The following DPP10 variants were observed in gnomAD, a reference collection of about 807,000 sequenced individuals.
DPP10 encodes the protein inactive dipeptidyl peptidase 10.
DPP10 carries 33 observed loss-of-function variants against 120.9 expected under a neutral mutation model. The ratio of observed to expected loss-of-function variants is 0.27; its 90% confidence interval spans 0.21 to 0.37. The LOEUF (loss-of-function observed/expected upper bound fraction) is 0.37. Among genes scored for constraint, DPP10 ranks in the 10% least tolerant of loss-of-function variants. The probability of loss-of-function intolerance (pLI) is 1.00; values close to 1 mark genes in which losing one functional copy is unlikely to be tolerated. For missense variants in DPP10, 816 were observed against 942.8 expected (o/e 0.87, Z 1.76); for synonymous variants, 337 against 326.1 (o/e 1.03, Z -0.36).
At chr2:114,999,231 G>A (rs1413928208) in intron 1 of DPP10, among the ~76,000 whole-genome samples, 2 of 152,114 alleles carry the variant, frequency 1.3e-5, no homozygotes, top group Non-Finnish European at 2.9e-5. Context: ...AGTGGAGAGA[G>A]CAATGCCAAG....
intron 1 of DPP10, among the ~76,000 whole-genome samples, chr2:114,605,731 T>G (rs1692734158): frequency 6.6e-6 from 1 of 152,026 alleles, no homozygotes; most frequent in African/African-American, 2.4e-5. Context: ...AAATCAAAAG[T>G]TCATGAGTGA....
intron 1 of DPP10, among the ~76,000 whole-genome samples, chr2:115,036,064 A>T (rs1427888565): frequency 6.6e-6 from 1 of 152,206 alleles, no homozygotes; most frequent in Non-Finnish European, 1.5e-5. Context: ...GAGAGGTTTA[A>T]TTGACCCACA....
At chr2:115,298,690 C>A (rs1034122437) in intron 1 of DPP10, among the ~76,000 whole-genome samples, 7 of 152,168 alleles carry the variant, frequency 4.6e-5, no homozygotes, top group Middle Eastern at 3.4e-3. Context: ...GTAGAGCCAT[C>A]TGGAGAGCCT....
chr2:114,561,004 C>G (rs1688718515), intron 1 of DPP10, among the ~76,000 whole-genome samples: 1 of 152,190 alleles, frequency 6.6e-6, no homozygotes, highest in Admixed American at 6.5e-5. Context: ...TCTCACAGCT[C>G]CATCCAGCAG....
intron 1 of DPP10, among the ~76,000 whole-genome samples, chr2:114,818,838 A>G (rs1184206926): frequency 2.6e-5 from 4 of 152,120 alleles, no homozygotes; most frequent in Admixed American, 1.3e-4. Context: ...CTTTATCCCC[A>G]TGCCCCATCA....
intron 1 of DPP10, among the ~76,000 whole-genome samples, chr2:114,811,707 C>T (rs960470305): frequency 6.6e-6 from 1 of 152,150 alleles, no homozygotes; most frequent in Non-Finnish European, 1.5e-5. Context: ...CCACCAACCC[C>T]AGCTTTCCAG....
At chr2:114,871,318 T>TA (rs1690673637) in intron 1 of DPP10, among the ~76,000 whole-genome samples, 1 of 152,306 alleles carries the variant, frequency 6.6e-6, no homozygotes, top group South Asian at 2.1e-4. Context: ...AAGAATTTTT[T>TA]AAAAAATTTG....
chr2:115,152,160 A>G (rs1025533501), intron 1 of DPP10, among the ~76,000 whole-genome samples: 10 of 152,336 alleles, frequency 6.6e-5, no homozygotes, highest in East Asian at 3.9e-4. Flanking sequence ...AATTTCCTGT[A>G]AGGTTCAAGA....
intron 1 of DPP10, among the ~76,000 whole-genome samples, chr2:114,555,906 A>T (rs2104905197): frequency 6.6e-6 from 1 of 152,194 alleles, no homozygotes; most frequent in East Asian, 1.9e-4. Flanking sequence ...CACAAGTAAC[A>T]TCCTATGTGA....
intron 1 of DPP10, among the ~76,000 whole-genome samples, chr2:114,490,615 G>A (rs1681910097): frequency 6.6e-6 from 1 of 152,174 alleles, no homozygotes; most frequent in Admixed American, 6.5e-5. Flanking sequence ...TTGAAGAATT[G>A]ATAGAACTTG....
At chr2:114,602,643 T>C (rs1692464773) in intron 1 of DPP10, among the ~76,000 whole-genome samples, 1 of 151,968 alleles carries the variant, frequency 6.6e-6, no homozygotes, top group Admixed American at 6.6e-5. Context: ...GGATATGCTT[T>C]GAACTGTTAA....
chr2:115,160,766 C>T (rs1028389866), intron 1 of DPP10, among the ~76,000 whole-genome samples: 1 of 152,166 alleles, frequency 6.6e-6, no homozygotes, highest in Non-Finnish European at 1.5e-5. Context: ...ATTCAACTTC[C>T]TAAGAGCTAC....
At chr2:114,603,005 C>T (rs551011482) in intron 1 of DPP10, among the ~76,000 whole-genome samples, 11 of 151,954 alleles carry the variant, frequency 7.2e-5, no homozygotes, top group African/African-American at 1.2e-4. Flanking sequence ...GTAAACATGG[C>T]GGAAAAAATG....
At chr2:115,361,376 G>A (rs1164121998) in intron 3 of DPP10, among the ~76,000 whole-genome samples, 1 of 152,046 alleles carries the variant, frequency 6.6e-6, no homozygotes, top group Admixed American at 6.6e-5. Flanking sequence ...CAGACTAATG[G>A]CGAGACACTC....
At chr2:115,689,659 A>G (rs931381639) in intron 5 of DPP10, 28 bp from the exon 6 acceptor site, 2 of 1,359,844 alleles carry the variant, frequency 1.5e-6, no homozygotes, top group African/African-American at 1.5e-5. Context: ...TAAAGCTATG[A>G]TCAATAATGT....
chr2:114,934,050 C>T (rs1055675503), intron 1 of DPP10, among the ~76,000 whole-genome samples: 2 of 152,112 alleles, frequency 1.3e-5, no homozygotes, highest in African/African-American at 4.8e-5. Flanking sequence ...TTTTCAAGTT[C>T]ACCATTAAAA....
chr2:115,028,683 C>T (rs185228608), intron 1 of DPP10, among the ~76,000 whole-genome samples: 19 of 151,980 alleles, frequency 1.3e-4, no homozygotes, highest in Admixed American at 1.1e-3. Context: ...TATACTGAAG[C>T]CTGTCTTTGC....
chr2:115,017,941 A>G (rs553004412), intron 1 of DPP10, among the ~76,000 whole-genome samples: 1 of 152,182 alleles, frequency 6.6e-6, no homozygotes, highest in Non-Finnish European at 1.5e-5. Context: ...AACATGGCAC[A>G]TGTATACATA....
intron 1 of DPP10, among the ~76,000 whole-genome samples, chr2:115,146,841 G>A (rs2051250268): frequency 6.6e-6 from 1 of 152,114 alleles, no homozygotes; most frequent in Non-Finnish European, 1.5e-5. Context: ...TGAGGACACA[G>A]CAGGTGCCAC....
Sources: gnomAD v4.1 joint callset for allele counts (sites outside exome capture counted in the v4.1 genomes callset) on GRCh38, gnomAD v4.1.1 for gene constraint, MANE v1.5 for transcripts, NCBI Gene and HGNC (gene_info 2026-07-23, HGNC 2026-07-21) for gene names.